The following SLC39A11 variants were observed in gnomAD, a reference collection of about 807,000 sequenced individuals.
SLC39A11 encodes the protein zinc transporter ZIP11.
In SLC39A11, 33 loss-of-function variants were observed where a neutral mutation model predicts 36.1. The observed-to-expected ratio is 0.91, with a 90% CI of 0.69 to 1.22. SLC39A11 has a LOEUF of 1.22. Among genes scored for constraint, SLC39A11 ranks in the 50% most tolerant of loss-of-function variants. The pLI is 0.00. For missense variants in SLC39A11, 432 were observed against 430.3 expected (o/e 1.00, Z -0.03); for synonymous variants, 166 against 170.3 (o/e 0.97, Z 0.20).
intron 4 of SLC39A11, among the ~76,000 whole-genome samples, chr17:72,992,002 C>T (rs2089212676): frequency 6.6e-6 from 1 of 152,194 alleles, no homozygotes; most frequent in Non-Finnish European, 1.5e-5. Context: ...TTTGTCAATA[C>T]TGAATATTGT....
intron 5 of SLC39A11, among the ~76,000 whole-genome samples, chr17:72,946,388 T>C (rs1424207560): frequency 6.6e-6 from 1 of 152,246 alleles, no homozygotes; most frequent in African/African-American, 2.4e-5. Flanking sequence ...GAATAATTCA[T>C]GCAGGACATA....
chr17:72,856,576 T>C lies in SLC39A11; in HGVS notation c.431-6772A>G, dbSNP rs1333268522. Among the ~76,000 whole-genome samples the C allele has an allele frequency of 2.0e-5, 3 of 152,322 alleles. No homozygotes were observed. The East Asian group carries it at 5.8e-4, about 29-fold the overall frequency. On this transcript the variant is annotated intron_variant, in intron 5 of 9. Transcript: ENST00000255559. ...TTCCTTTTTGAGATTCCTCAAGACA[T>C]TATAGGGCTTTAAAAAAAAGTATTA... is the stretch of plus-strand genomic sequence containing the variant.
intron 5 of SLC39A11, among the ~76,000 whole-genome samples, chr17:72,916,116 T>A (rs1405879271): frequency 6.6e-6 from 1 of 152,210 alleles, no homozygotes; most frequent in African/African-American, 2.4e-5. Flanking sequence ...TTCACTGCAT[T>A]TGAGCACTCC....
chr17:72,988,680 T>C (rs367947539), intron 4 of SLC39A11, among the ~76,000 whole-genome samples: 3 of 152,124 alleles, frequency 2.0e-5, no homozygotes, highest in Non-Finnish European at 4.4e-5. Flanking sequence ...TCTGTTTCTA[T>C]GAATTGTGTT....
intron 5 of SLC39A11, among the ~76,000 whole-genome samples, chr17:72,895,352 G>C (rs376334267): frequency 4.0e-4 from 61 of 152,284 alleles, no homozygotes; most frequent in African/African-American, 1.4e-3. Flanking sequence ...GCCAAGGTGG[G>C]AGGATCACCT....
intron 6 of SLC39A11, among the ~76,000 whole-genome samples, chr17:72,759,263 A>G (rs2075481247): frequency 1.3e-5 from 2 of 152,192 alleles, no homozygotes; most frequent in African/African-American, 4.8e-5. Context: ...CCAAAAAAAA[A>G]TCAAGGAGAG....
intron 6 of SLC39A11, among the ~76,000 whole-genome samples, chr17:72,797,554 G>C (rs1568109054): frequency 1.3e-5 from 2 of 152,110 alleles, no homozygotes; most frequent in Non-Finnish European, 2.9e-5. Flanking sequence ...ACAGGGCCAA[G>C]TAAAGGGTTG....
intron 4 of SLC39A11, among the ~76,000 whole-genome samples, chr17:73,023,239 A>C (rs78997051): frequency 6.6e-6 from 1 of 151,866 alleles, no homozygotes; most frequent in Non-Finnish European, 1.5e-5. Context: ...AAAAAAAAAA[A>C]GATGTTACCC....
At chr17:72,883,623 G>A (rs2081315397) in intron 5 of SLC39A11, among the ~76,000 whole-genome samples, 1 of 152,162 alleles carries the variant, frequency 6.6e-6, no homozygotes, top group African/African-American at 2.4e-5. Context: ...TCTGAGGCTT[G>A]ACTGAGAAAT....
chr17:72,671,956 C>T (rs1378290515), intron 7 of SLC39A11, among the ~76,000 whole-genome samples: 1 of 151,990 alleles, frequency 6.6e-6, no homozygotes, highest in African/African-American at 2.4e-5. Flanking sequence ...TACACAGAAT[C>T]GTGACTATAG....
intron 4 of SLC39A11, among the ~76,000 whole-genome samples, chr17:72,964,330 C>T (rs988659841): frequency 2.6e-5 from 4 of 152,314 alleles, no homozygotes; most frequent in Admixed American, 6.5e-5. Flanking sequence ...GGATGAGCTG[C>T]GTAGTTTTGT....
intron 4 of SLC39A11, among the ~76,000 whole-genome samples, chr17:72,952,537 T>G (rs963695300): frequency 6.6e-6 from 1 of 152,208 alleles, no homozygotes; most frequent in African/African-American, 2.4e-5. Flanking sequence ...TTGAGGGCAC[T>G]GGAGCTCTTT....
chr17:73,014,643 C>A (rs948633840), intron 4 of SLC39A11, among the ~76,000 whole-genome samples: 3 of 152,158 alleles, frequency 2.0e-5, no homozygotes, highest in South Asian at 4.1e-4. Flanking sequence ...GGTGACAGAG[C>A]GAAACCCTTT....
intron 5 of SLC39A11, among the ~76,000 whole-genome samples, chr17:72,884,663 A>G (rs2081364958): frequency 6.6e-6 from 1 of 152,244 alleles, no homozygotes; most frequent in Non-Finnish European, 1.5e-5. Context: ...TCTGGGATCT[A>G]TCTTGAACAT....
At chr17:72,675,745 G>A (rs554333332) in intron 7 of SLC39A11, among the ~76,000 whole-genome samples, 7 of 152,232 alleles carry the variant, frequency 4.6e-5, no homozygotes, top group South Asian at 2.1e-4. Context: ...GTGCAATGGC[G>A]CAATCTCGGC....
chr17:72,751,586 GT>G (rs753640214), intron 6 of SLC39A11, among the ~76,000 whole-genome samples: 1 of 150,532 alleles, frequency 6.6e-6, no homozygotes, highest in Non-Finnish European at 1.5e-5. Context: ...GAGCTCTTTG[GT>G]TTTTTTTTGA....
chr17:72,756,117 A>T lies in SLC39A11; in HGVS notation c.602-19398T>A, dbSNP rs78118064. On this transcript the variant is annotated intron_variant, in intron 6 of 9. Transcript: ENST00000255559. ...TGTTGGTAGGAATGAAAAATGGCAC[A>T]GCCAGTGTGGAAAACAGTTTGGTGG... is the stretch of plus-strand genomic sequence containing the variant. Among the ~76,000 whole-genome samples the T allele has an allele frequency of 7.3e-3, 1,116 of 152,360 alleles. 15 individuals are homozygous for T. The highest frequency in any genetic ancestry group is 0.025 in the African/African-American group (1,046 of 41,580).
At chr17:72,689,225 G>A (rs756339224) in intron 7 of SLC39A11, among the ~76,000 whole-genome samples, 8 of 152,186 alleles carry the variant, frequency 5.3e-5, no homozygotes, top group South Asian at 4.1e-4. Context: ...AAATGCAGTC[G>A]AGAAGATAAA....
chr17:72,654,176 C>T (rs2069997674), intron 7 of SLC39A11, among the ~76,000 whole-genome samples: 1 of 152,164 alleles, frequency 6.6e-6, no homozygotes, highest in African/African-American at 2.4e-5. Flanking sequence ...AGCTCTCTTC[C>T]TCACCTTGAA....
Sources: allele counts gnomAD v4.1 joint callset (sites outside exome capture counted in the v4.1 genomes callset), GRCh38; gene constraint gnomAD v4.1.1; transcripts MANE v1.5; gene names NCBI Gene and HGNC (gene_info 2026-07-23, HGNC 2026-07-21).